Variants in UBL3 observed in about 807,000 individuals in gnomAD.
UBL3 encodes ubiquitin like 3.
In UBL3, 6 loss-of-function variants were observed where a neutral mutation model predicts 18.4. The ratio of observed to expected loss-of-function variants is 0.33; its 90% CI spans 0.18 to 0.64. The LOEUF (loss-of-function observed/expected upper bound fraction) is 0.64. Ranked by LOEUF, UBL3 falls within the 30% of genes least tolerant of loss-of-function variation. UBL3 has a pLI of 0.76. For synonymous variants in UBL3, 49 were observed against 46.6 expected (o/e 1.05, Z -0.21); for missense variants, 109 against 142.9 (o/e 0.76, Z 1.21).
At chr13:29,788,188 T>C (rs1029851529) in intron 1 of UBL3, among the ~76,000 whole-genome samples, 21 of 152,210 alleles carry the variant, frequency 1.4e-4, no homozygotes, top group African/African-American at 4.8e-4. Context: ...ATAAATCTTT[T>C]ATGTCTACAC....
intron 1 of UBL3, among the ~76,000 whole-genome samples, chr13:29,789,299 T>C (rs1206249302): frequency 6.6e-6 from 1 of 152,168 alleles, no homozygotes; most frequent in Non-Finnish European, 1.5e-5. Context: ...AAATGTAAAA[T>C]ACCACTGAAT....
chr13:29,792,032 G>C (rs1358943515), intron 1 of UBL3, among the ~76,000 whole-genome samples: 1 of 151,950 alleles, frequency 6.6e-6, no homozygotes, highest in Non-Finnish European at 1.5e-5. Context: ...TTTGTTTCTC[G>C]ATTAAATCCT....
chr13:29,793,553 T>C (rs1022278067), intron 1 of UBL3, among the ~76,000 whole-genome samples: 6 of 152,206 alleles, frequency 3.9e-5, no homozygotes, highest in African/African-American at 1.4e-4. Flanking sequence ...TTTCTTCTTA[T>C]TACTTTAATA....
chr13:29,768,848 G>T (rs1365305022), intron 3 of UBL3, among the ~76,000 whole-genome samples: 2 of 152,054 alleles, frequency 1.3e-5, no homozygotes, highest in Admixed American at 6.6e-5. Context: ...TCACTAAATA[G>T]TTGGGAAAGC....
rs192364099 is a variant in UBL3 at position 29,827,701 on chromosome 13, T to C, written c.27+21811A>G. Among the ~76,000 whole-genome samples, 436 of 152,334 alleles carry C rather than the reference T, an allele frequency of 2.9e-3. 1 individual carries two copies. Among genetic ancestry groups the C allele is most frequent in the African/African-American group, 9.9e-3 (412 of 41,566 alleles). ...TACATTTAAGGTTAATATTGTTATG[T>C]GTGAATTTGATCCTGTCATTATGAT... is the stretch of plus-strand genomic sequence containing the variant. On this transcript the variant is annotated intron_variant, in intron 1 of 4. Transcript: ENST00000380680.
At chr13:29,791,425 G>A (rs1469289040) in intron 1 of UBL3, among the ~76,000 whole-genome samples, 1 of 152,134 alleles carries the variant, frequency 6.6e-6, no homozygotes, top group East Asian at 1.9e-4. Context: ...TTTATAGATG[G>A]TAAACTGGGA....
At chr13:29,773,789 A>G (rs528133208) in intron 2 of UBL3, among the ~76,000 whole-genome samples, 42 of 152,236 alleles carry the variant, frequency 2.8e-4, no homozygotes, top group African/African-American at 9.6e-4. Flanking sequence ...ATTTTTTTGA[A>G]CCTTTGACCC....
intron 1 of UBL3, among the ~76,000 whole-genome samples, chr13:29,812,101 C>T (rs977928866): frequency 2.6e-5 from 4 of 152,006 alleles, no homozygotes; most frequent in Non-Finnish European, 4.4e-5. Context: ...TTCCTGTATC[C>T]TTCAAGAAGC....
At chr13:29,770,050 G>A (rs1237772434) in intron 3 of UBL3, among the ~76,000 whole-genome samples, 2 of 152,016 alleles carry the variant, frequency 1.3e-5, no homozygotes, top group Non-Finnish European at 2.9e-5. Flanking sequence ...AGAGAAAACT[G>A]TCTTTGATTT....
chr13:29,819,203 A>C (rs949966807), intron 1 of UBL3, among the ~76,000 whole-genome samples: 1 of 152,230 alleles, frequency 6.6e-6, no homozygotes, highest in African/African-American at 2.4e-5. Flanking sequence ...GAAAGTTAAA[A>C]TAAAAGTGCT....
intron 1 of UBL3, chr13:29,777,577 C>G: frequency 2.4e-6 from 1 of 422,722 alleles, no homozygotes; most frequent in Non-Finnish European, 4.7e-6. Context: ...TGCAAGTTAT[C>G]ACTATTATTA....
intron 1 of UBL3, among the ~76,000 whole-genome samples, chr13:29,825,676 T>C (rs1189674201): frequency 1.3e-5 from 2 of 152,166 alleles, no homozygotes; most frequent in Non-Finnish European, 2.9e-5. Context: ...CTTTTCCTAA[T>C]TGAATACCCT....
intron 1 of UBL3, among the ~76,000 whole-genome samples, chr13:29,817,767 T>C (rs757340529): frequency 2.6e-5 from 4 of 152,144 alleles, no homozygotes; most frequent in Admixed American, 6.6e-5. Context: ...TAAATCCCTA[T>C]TCTAATCCCA....
Position 29,823,360 on chromosome 13 carries a change from C to T in UBL3, c.27+26152G>A, listed in dbSNP as rs191733117. On this transcript the variant is annotated intron_variant, in intron 1 of 4. Transcript: ENST00000380680. ...TTCTCCATGTTTGTCAGGCTGGTCT[C>T]CAACTCCCGACCTCAGGTGATCCGC... 4.6e-5 allele frequency among the ~76,000 whole-genome samples: 7 copies of T among 152,282 alleles called. No individual in the cohort carries two copies. The South Asian group carries it at 6.2e-4, about 14-fold the overall frequency.
intron 1 of UBL3, among the ~76,000 whole-genome samples, chr13:29,838,335 C>T (rs1879012727): frequency 6.6e-6 from 1 of 152,074 alleles, no homozygotes; most frequent in African/African-American, 2.4e-5. Context: ...GATAATTACC[C>T]AGATGCACAT....
Position 29,765,099 on chromosome 13 carries a change from T to C in UBL3, c.*2156A>G, listed in dbSNP as rs564066888. 1 of 152,228 alleles carries C rather than the reference T, an allele frequency of 6.6e-6. No homozygotes were observed. The highest frequency in any genetic ancestry group is 1.9e-4 in the East Asian group (1 of 5,182). 9.4% of individuals were successfully genotyped at this position (152,228 alleles called of 1,614,324 possible). On this transcript the variant is annotated 3_prime_UTR_variant, in exon 5 of 5. Coordinates refer to ENST00000380680, the MANE Select transcript of UBL3 (RefSeq NM_007106.4). ...CAAACTCTAAATTGAGGGAAATATA[T>C]AATCTGAGAACACACAGAAAAATAT...
At position 29,849,774 on chromosome 13, in the gene UBL3, G is replaced by A. The variant is rs886364271; in HGVS notation, c.-236C>T. 1.7e-6 allele frequency: 1 copy of A among 603,244 alleles called. No individual in the cohort carries two copies. Among genetic ancestry groups the A allele is most frequent in the Non-Finnish European group, 2.9e-6 (1 of 343,866 alleles). The allele number at this position is 603,244 out of a possible 1,614,324, so 37.4% of individuals were successfully genotyped here. On this transcript the variant is annotated 5_prime_UTR_variant, in exon 1 of 5. Transcript: ENST00000380680. The stretch of plus-strand genomic sequence containing the variant: ...GCAGGAGGAAACTCCCGGGACAGCA[G>A]AGGCAGCCCCCGTCGTCGTCGTCGT...
intron 1 of UBL3, among the ~76,000 whole-genome samples, chr13:29,817,378 T>C (rs910276253): frequency 3.9e-5 from 6 of 152,214 alleles, no homozygotes; most frequent in African/African-American, 1.4e-4. Context: ...CCTTCGAATT[T>C]TTTAAATGAA....
intron 1 of UBL3, among the ~76,000 whole-genome samples, chr13:29,835,648 G>A (rs542543241): frequency 2.0e-5 from 3 of 151,182 alleles, no homozygotes; most frequent in Non-Finnish European, 2.9e-5. Context: ...CCATCTACTC[G>A]GGAGGCTGAG....
Sources: gnomAD v4.1 joint callset for allele counts (sites outside exome capture counted in the v4.1 genomes callset) on GRCh38, gnomAD v4.1.1 for gene constraint, MANE v1.5 for transcripts, NCBI Gene and HGNC (gene_info 2026-07-23, HGNC 2026-07-21) for gene names.